The following GABRG3 variants were observed in gnomAD, a reference collection of about 807,000 sequenced individuals.
The protein encoded by GABRG3 is gamma-aminobutyric acid receptor subunit gamma-3.
A neutral mutation model predicts 48.8 loss-of-function variants in GABRG3; 25 were observed. That is an observed-to-expected ratio of 0.51 (90% CI 0.37 to 0.72). The LOEUF (loss-of-function observed/expected upper bound fraction) is 0.72. Among genes scored for constraint, GABRG3 ranks in the 30% least tolerant of loss-of-function variants. The probability of loss-of-function intolerance (pLI) is 0.00; values close to 1 mark genes in which losing one functional copy is unlikely to be tolerated. For synonymous variants in GABRG3, 227 were observed against 217.6 expected, an observed-to-expected ratio of 1.04 and a Z score of -0.38; for missense variants, 394 against 577.9, an observed-to-expected ratio of 0.68 and a Z score of 3.26.
chr15:27,301,949 A>G (rs968849024), intron 3 of GABRG3, among the ~76,000 whole-genome samples: 23 of 152,126 alleles, frequency 1.5e-4, no homozygotes, highest in African/African-American at 5.3e-4. Flanking sequence ...CTGCCAATCT[A>G]GACTTCTACA....
At chr15:27,295,947 C>T (rs1234464631) in intron 3 of GABRG3, among the ~76,000 whole-genome samples, 7 of 152,268 alleles carry the variant, frequency 4.6e-5, no homozygotes, top group African/African-American at 1.7e-4. Context: ...AAATGGTAGC[C>T]CTTGATCTTC....
chr15:27,134,463 T>C (rs1381118671), intron 3 of GABRG3, among the ~76,000 whole-genome samples: 2 of 152,278 alleles, frequency 1.3e-5, no homozygotes, highest in East Asian at 3.9e-4. Context: ...ATGGTGACTC[T>C]CCGCTCTGTT....
chr15:27,336,272 G>A (rs1053502500), intron 5 of GABRG3, among the ~76,000 whole-genome samples: 21 of 143,584 alleles, frequency 1.5e-4, no homozygotes, highest in Non-Finnish European at 2.2e-4. Flanking sequence ...AGAAAGAAAG[G>A]AAGGAGAGAC....
At chr15:27,243,819 G>A (rs1040914067) in intron 3 of GABRG3, among the ~76,000 whole-genome samples, 35 of 152,208 alleles carry the variant, frequency 2.3e-4, no homozygotes, top group African/African-American at 8.2e-4. Flanking sequence ...TTAAGAAAAA[G>A]GACCCCAATC....
intron 3 of GABRG3, among the ~76,000 whole-genome samples, chr15:27,292,971 T>C (rs933918510): frequency 6.6e-6 from 1 of 152,180 alleles, no homozygotes; most frequent in East Asian, 1.9e-4. Context: ...GGAGGAGATA[T>C]ATAGAAAGCC....
intron 3 of GABRG3, among the ~76,000 whole-genome samples, chr15:27,160,333 C>T (rs1420396570): frequency 6.6e-6 from 1 of 152,120 alleles, no homozygotes; most frequent in African/African-American, 2.4e-5. Flanking sequence ...TATCCTCAGC[C>T]ACAACCAGAA....
At chr15:27,078,197 T>C (rs1896939702) in intron 3 of GABRG3, among the ~76,000 whole-genome samples, 2 of 152,136 alleles carry the variant, frequency 1.3e-5, no homozygotes, top group Admixed American at 6.5e-5. Flanking sequence ...CCAATGTGAG[T>C]GGGCCTCATT....
At chr15:27,146,686 T>C (rs1898215768) in intron 3 of GABRG3, among the ~76,000 whole-genome samples, 1 of 152,052 alleles carries the variant, frequency 6.6e-6, no homozygotes, top group Non-Finnish European at 1.5e-5. Flanking sequence ...AGTGCAAAAT[T>C]TTTGAATATT....
At chr15:27,326,244 G>A (rs1283146480) in intron 3 of GABRG3, among the ~76,000 whole-genome samples, 1 of 152,164 alleles carries the variant, frequency 6.6e-6, no homozygotes, top group Non-Finnish European at 1.5e-5. Context: ...ACAGTTCTTT[G>A]TTGTATTTTA....
rs1162057008 is a variant in GABRG3, at chr15:27,539,290, T to C, written c.*6409T>C. The C allele has an allele frequency of 2.0e-5, 3 of 152,192 alleles. No homozygotes were observed. The highest frequency in any genetic ancestry group is 7.2e-5 in the African/African-American group (3 of 41,440). 9.4% of individuals were successfully genotyped at this position (152,192 alleles called of 1,614,324 possible). On this transcript the variant is annotated 3_prime_UTR_variant, in exon 10 of 10. Coordinates refer to ENST00000615808, the MANE Select transcript of GABRG3 (RefSeq NM_033223.5). ...GGTGGAATCGCTCCTGGCAAGGGCA[T>C]GACCGTGCACAGGCTGACATGATTT...
intron 6 of GABRG3, among the ~76,000 whole-genome samples, chr15:27,500,483 G>A (rs1303619617): frequency 1.3e-5 from 2 of 152,174 alleles, no homozygotes; most frequent in Admixed American, 6.5e-5. Context: ...GTCAACCTTC[G>A]AAAGGTACAG....
intron 5 of GABRG3, among the ~76,000 whole-genome samples, chr15:27,426,232 C>A (rs922990140): frequency 6.6e-6 from 1 of 152,148 alleles, no homozygotes; most frequent in Non-Finnish European, 1.5e-5. Context: ...AAAAAAGAGA[C>A]AAAACTCATC....
intron 5 of GABRG3, among the ~76,000 whole-genome samples, chr15:27,377,260 T>A (rs535056142): frequency 1.3e-5 from 2 of 152,214 alleles, no homozygotes; most frequent in African/African-American, 4.8e-5. Flanking sequence ...AGTTCCAAAC[T>A]TTTTCACATT....
intron 3 of GABRG3, among the ~76,000 whole-genome samples, chr15:27,219,389 C>T (rs570613352): frequency 6.6e-6 from 1 of 152,280 alleles, no homozygotes; most frequent in East Asian, 1.9e-4. Flanking sequence ...AAGGTCTGGG[C>T]AAGATAACCT....
intron 3 of GABRG3, among the ~76,000 whole-genome samples, chr15:27,293,263 G>T (rs1463945211): frequency 6.6e-6 from 1 of 152,180 alleles, no homozygotes; most frequent in African/African-American, 2.4e-5. Flanking sequence ...AGAATTAATG[G>T]AGGGAATCTG....
At chr15:27,291,827 A>G (rs1375275154) in intron 3 of GABRG3, among the ~76,000 whole-genome samples, 1 of 152,190 alleles carries the variant, frequency 6.6e-6, no homozygotes, top group Non-Finnish European at 1.5e-5. Flanking sequence ...AGAAGAGCCT[A>G]GTGTTTTTCT....
At chr15:27,204,583 T>C (rs1417007536) in intron 3 of GABRG3, among the ~76,000 whole-genome samples, 1 of 152,156 alleles carries the variant, frequency 6.6e-6, no homozygotes, top group Admixed American at 6.6e-5. Context: ...AAAAATGTTA[T>C]TGGTAGTTTG....
At chr15:27,101,017 A>G (rs1897346721) in intron 3 of GABRG3, among the ~76,000 whole-genome samples, 1 of 152,166 alleles carries the variant, frequency 6.6e-6, no homozygotes. Flanking sequence ...GGCAAGAGTA[A>G]AATAAGTGTC....
At chr15:27,181,097 C>T (rs2140416768) in intron 3 of GABRG3, among the ~76,000 whole-genome samples, 1 of 152,260 alleles carries the variant, frequency 6.6e-6, no homozygotes, top group Non-Finnish European at 1.5e-5. Flanking sequence ...CTGTGGCTCC[C>T]AGCATGCAGG....
Sources: allele counts gnomAD v4.1 joint callset (sites outside exome capture counted in the v4.1 genomes callset), GRCh38; gene constraint gnomAD v4.1.1; transcripts MANE v1.5; gene names NCBI Gene and HGNC (gene_info 2026-07-23, HGNC 2026-07-21).